ZNF274: variants seen among roughly 807,000 people sequenced by gnomAD.
ZNF274 encodes zinc finger protein 274, also known as neurotrophin receptor-interacting factor homolog.
Under a neutral mutation model 42.5 loss-of-function variants are expected in ZNF274, and 23 were observed. That is an observed-to-expected ratio of 0.54 (90% CI 0.39 to 0.77). ZNF274 has a LOEUF of 0.77. ZNF274 is among the 30% of genes least tolerant of loss of function. The pLI is 0.00. For missense variants in ZNF274, 679 were observed against 806.5 expected, an observed-to-expected ratio of 0.84 and a Z score of 1.91; for synonymous variants, 292 against 305.4, an observed-to-expected ratio of 0.96 and a Z score of 0.46.
Position 58,206,727 on chromosome 19 carries a change from T to G in ZNF274, c.264T>G (p.Pro88=), listed in dbSNP as rs1427576459. Residue 88 remains proline (P), a synonymous_variant, in exon 5 of 8, where the codon CCT becomes CCG. Coordinates refer to ENST00000617501, the MANE Select transcript of ZNF274 (RefSeq NM_133502.3). The part of the protein sequence containing the change: ...GIPQDTIPEY[P]ELQLDPKLDP... ...TCTGCTTTTGACTTACAGAGTATCC[T>G]GAGCTCCAGCTGGACCCTAAATTGG... is the stretch of plus-strand genomic sequence containing the variant. The G allele has an allele frequency of 2.5e-6, 4 of 1,577,400 alleles. No homozygotes were observed. Among genetic ancestry groups the G allele is most frequent in the African/African-American group, 1.3e-5 (1 of 74,192 alleles).
At chr19:58,206,032 A>T (rs1474595739) in intron 4 of ZNF274, among the ~76,000 whole-genome samples, 1 of 152,214 alleles carries the variant, frequency 6.6e-6, no homozygotes, top group African/African-American at 2.4e-5. Flanking sequence ...GTCTAATTCC[A>T]GAACATTTTC....
At chr19:58,195,127 G>C (rs539063503) in intron 4 of ZNF274, among the ~76,000 whole-genome samples, 1 of 152,100 alleles carries the variant, frequency 6.6e-6, no homozygotes, top group South Asian at 2.1e-4. Flanking sequence ...GAACCCAGGA[G>C]GTGGAGGTTA....
rs2076037747 is a variant in ZNF274, at chr19:58,211,345, C to T, written c.853-215C>T. The T allele has an allele frequency of 6.3e-6, 3 of 476,932 alleles. No homozygotes were observed. The highest frequency in any genetic ancestry group is 1.1e-5 in the Non-Finnish European group (3 of 274,812). 29.5% of individuals were successfully genotyped at this position (476,932 alleles called of 1,614,324 possible). ...GTTGCACTTGGAGCTCTTTATGAAG[C>T]AAGGGCTCTGCCTCCCAGCCTGAGA... On this transcript the variant is annotated intron_variant, in intron 6 of 7. Transcript: ENST00000617501. The surrounding 1 kb of genome is among the most constrained non-coding windows in gnomAD (Gnocchi z 4.8).
At chr19:58,185,951 C>T in intron 3 of ZNF274, 113 bp downstream of exon 3, 1 of 955,188 alleles carries the variant, frequency 1.0e-6, no homozygotes, top group Admixed American at 3.3e-5. Context: ...AGGAAAAGGG[C>T]AGCTTTTCAG....
intron 4 of ZNF274, among the ~76,000 whole-genome samples, chr19:58,193,882 T>C (rs1178186517): frequency 6.6e-6 from 1 of 152,000 alleles, no homozygotes; most frequent in Admixed American, 6.6e-5. Flanking sequence ...GCTGTGATTG[T>C]ACCACTGCAC....
At chr19:58,188,674 G>GTGTGTA (rs1428824255) in intron 4 of ZNF274, among the ~76,000 whole-genome samples, 1 of 84,906 alleles carries the variant, frequency 1.2e-5, no homozygotes, top group African/African-American at 6.0e-5. Context: ...GTGTGTGTGT[G>GTGTGTA]TGTATATATA....
chr19:58,190,142 TA>T (rs1181834410), intron 4 of ZNF274, among the ~76,000 whole-genome samples: 2 of 149,710 alleles, frequency 1.3e-5, no homozygotes, highest in African/African-American at 4.9e-5. Flanking sequence ...AAAAAAAATT[TA>T]TCTCTCTCTT....
rs549522686 is a variant in ZNF274 at position 58,186,537 on chromosome 19, A to G, written c.161-410A>G. Among the ~76,000 whole-genome samples, 9 of 149,604 alleles carry G rather than the reference A, an allele frequency of 6.0e-5. No homozygotes were observed. The South Asian group carries it at 1.9e-3, about 32-fold the overall frequency. ...GGCAACTGAGCAAGACTCCGTCTCA[A>G]AAAAAAAAAAAAAAAGCCTGTCCCT... On this transcript the variant is annotated intron_variant, in intron 3 of 7. Coordinates refer to ENST00000617501, the MANE Select transcript of ZNF274 (RefSeq NM_133502.3).
chr19:58,183,639 C>A, intron 1 of ZNF274, 197 bp downstream of exon 1: 1 of 248,518 alleles, frequency 4.0e-6, no homozygotes, highest in Non-Finnish European at 7.9e-6. Context: ...GCTTTCGGGG[C>A]GCCGCGGTGG....
Position 58,213,053 on chromosome 19 carries a change from T to A in ZNF274, c.1872T>A (p.Cys624Ter), listed in dbSNP as rs1269624819. ...TGERPYACNKCGKAFTQSSHL... is the reference protein window; with the variant it reads ...TGERPYACNK The stretch of plus-strand genomic sequence containing the variant: ...AGCGCCCATATGCATGCAACAAATG[T>A]GGAAAGGCCTTCACCCAGAGCTCAC... The change falls in exon 8 of 8, where the codon TGT becomes TGA. Residue 624 changes from cysteine to a stop codon, truncating the protein, a stop_gained. Coordinates refer to ENST00000617501, the MANE Select transcript of ZNF274 (RefSeq NM_133502.3). LOFTEE classifies it low-confidence loss of function (END_TRUNC). The A allele has an allele frequency of 4.3e-6, 7 of 1,614,034 alleles. No homozygotes were observed. Among genetic ancestry groups the A allele is most frequent in the African/African-American group, 1.3e-5 (1 of 75,018 alleles).
At chr19:58,186,024 G>T in intron 3 of ZNF274, 186 bp downstream of exon 3, 1 of 400,850 alleles carries the variant, frequency 2.5e-6, no homozygotes. Context: ...GGGTCTGTCA[G>T]GGATGTTTTC....
chr19:58,184,355 T>A (rs2075670561), intron 2 of ZNF274: 1 of 189,582 alleles, frequency 5.3e-6, no homozygotes. Flanking sequence ...AGTGGCGCGA[T>A]CTTGGCTCAC....
rs1390459561 is a variant in ZNF274 at position 58,183,416 on chromosome 19, C to A, written c.-72C>A. The A allele has an allele frequency of 2.0e-5, 3 of 152,324 alleles. No individual in the cohort carries two copies. The East Asian group carries it at 5.8e-4, about 29-fold the overall frequency. The allele number at this position is 152,324 out of a possible 1,614,324, so 9.4% of individuals were successfully genotyped here. ...GCTGACGCACTTCGCCGCCGGCCGACGGGCGCCATTGTGCGGCGCGCGCCG... is the reference window on the plus strand; with the variant it reads ...GCTGACGCACTTCGCCGCCGGCCGAAGGGCGCCATTGTGCGGCGCGCGCCG... On this transcript the variant is annotated 5_prime_UTR_variant, in exon 1 of 8. Transcript: ENST00000617501.
chr19:58,185,670 G>A, intron 2 of ZNF274, 42 bp from the exon 3 acceptor site: 1 of 1,389,704 alleles, frequency 7.2e-7, no homozygotes. Flanking sequence ...TTTTGTCGTG[G>A]ATGCGGATGG....
chr19:58,203,822 TTAATC>T (rs1385172145), intron 4 of ZNF274, among the ~76,000 whole-genome samples: 2 of 152,182 alleles, frequency 1.3e-5, no homozygotes, highest in Non-Finnish European at 2.9e-5. Context: ...GTGTGTCTGA[TTAATC>T]TTATCAAGAA....
At position 58,211,523 on chromosome 19, in the gene ZNF274, C is replaced by G; in HGVS notation, c.853-37C>G. ...CTGCCCTCATTGACAACCCTCTGACCCTCTTGCTGAGCATAGACACATATG... is the reference window on the plus strand; with the variant it reads ...CTGCCCTCATTGACAACCCTCTGACGCTCTTGCTGAGCATAGACACATATG... On this transcript the variant is annotated intron_variant, in intron 6 of 7. Transcript: ENST00000617501. This position sits in a 1 kb window ranked among gnomAD's most constrained non-coding sequence, Gnocchi z 4.8. 1 of 1,588,268 alleles carries G rather than the reference C, an allele frequency of 6.3e-7. No individual in the cohort carries two copies. Among genetic ancestry groups the G allele is most frequent in the Non-Finnish European group, 8.6e-7 (1 of 1,164,226 alleles).
chr19:58,200,910 G>A (rs1290962576), intron 4 of ZNF274, among the ~76,000 whole-genome samples: 1 of 152,114 alleles, frequency 6.6e-6, no homozygotes, highest in African/African-American at 2.4e-5. Context: ...AGGCCTCAGG[G>A]AGCTTTTTAC....
In ZNF274 at chr19:58,206,972, A is replaced by C; in HGVS notation, c.509A>C (p.Lys170Thr). 3 of 1,609,896 alleles carry C rather than the reference A, an allele frequency of 1.9e-6. No individual in the cohort carries two copies. Among genetic ancestry groups the C allele is most frequent in the Non-Finnish European group, 2.5e-6 (3 of 1,178,074 alleles). The change falls in exon 5 of 8, where the codon AAG (lysine) becomes ACG (threonine). Residue 170 changes from lysine to threonine, a missense_variant. By Grantham distance (78) the Lys-to-Thr change is moderately conservative. Coordinates refer to ENST00000617501, the MANE Select transcript of ZNF274 (RefSeq NM_133502.3). ...ARQRFRQFRY[K>T]DMTGPREALD... ...CAGAGGTTCCGGCAGTTCCGTTATAAGGACATGACAGGTCCCCGGGAGGCC... is the reference window on the plus strand; with the variant it reads ...CAGAGGTTCCGGCAGTTCCGTTATACGGACATGACAGGTCCCCGGGAGGCC...
intron 1 of ZNF274, 32 bp from the exon 2 acceptor site, chr19:58,183,889 T>C (rs2075662169): frequency 2.7e-6 from 4 of 1,490,470 alleles, no homozygotes; most frequent in Non-Finnish European, 3.7e-6. Flanking sequence ...ACCTTAAGCC[T>C]CTCCCTCCCC....
Sources: gnomAD v4.1 joint callset for allele counts (sites outside exome capture counted in the v4.1 genomes callset) on GRCh38, gnomAD v4.1.1 for gene constraint, Gnocchi (gnomAD v3.1) non-coding constraint, MANE v1.5 for transcripts, NCBI Gene and HGNC (gene_info 2026-07-23, HGNC 2026-07-21) for gene names.